Variants in PYHIN1 observed in about 807,000 individuals in gnomAD.
PYHIN1 encodes pyrin and HIN domain family member 1, also known as pyrin and HIN domain-containing protein 1.
In PYHIN1, 32 loss-of-function variants were observed where a neutral mutation model predicts 43.7. The observed-to-expected ratio is 0.73, with a 90% CI of 0.55 to 0.98. The LOEUF (loss-of-function observed/expected upper bound fraction) is 0.98. Among genes scored for constraint, PYHIN1 ranks in the 50% least tolerant of loss-of-function variants. The pLI is 0.00. For synonymous variants in PYHIN1, 205 were observed against 203.1 expected (o/e 1.01, Z -0.08); for missense variants, 588 against 589.5 (o/e 1.00, Z 0.03).
downstream of PYHIN1, among the ~76,000 whole-genome samples, chr1:158,979,361 G>A (rs1651406376): frequency 6.6e-6 from 1 of 151,992 alleles, no homozygotes; most frequent in African/African-American, 2.4e-5. Context: ...TGTAAGTTTG[G>A]CTATTATAGA....
chr1:158,982,124 C>T, the PYHIN1 span, among the ~76,000 whole-genome samples: 3 of 152,142 alleles, frequency 2.0e-5, no homozygotes, highest in Non-Finnish European at 4.4e-5. Flanking sequence ...ATTTGCTGTA[C>T]AGAAGATCTT....
At chr1:158,939,720 C>T (rs781095955) in intron 4 of PYHIN1, 2 of 583,440 alleles carry the variant, frequency 3.4e-6, no homozygotes, top group Non-Finnish European at 6.2e-6. Context: ...ACTTAGACCC[C>T]TGTAACAGGT....
downstream of PYHIN1, among the ~76,000 whole-genome samples, chr1:158,980,733 C>T (rs552605119): frequency 4.3e-4 from 66 of 152,186 alleles, no homozygotes; most frequent in Non-Finnish European, 8.2e-4. Context: ...ATACATGCAC[C>T]GCTGAACATA....
At chr1:158,985,076 C>T in the PYHIN1 span, among the ~76,000 whole-genome samples, 1 of 152,080 alleles carries the variant, frequency 6.6e-6, no homozygotes, top group Non-Finnish European at 1.5e-5. Context: ...CTCTTGAAGA[C>T]AGCATGTAAT....
At position 158,976,839 on chromosome 1, in the gene PYHIN1, A is replaced by AATATATCTAT; in HGVS notation, c.*150_*151insCTATATATAT. The AATATATCTAT allele has an allele frequency of 6.2e-6, 2 of 321,644 alleles. No individual in the cohort carries two copies. The highest frequency in any genetic ancestry group is 1.2e-5 in the Non-Finnish European group (2 of 172,368). 19.9% of individuals were successfully genotyped at this position (321,644 alleles called of 1,614,324 possible). ...AAGATAAGATCAAAGCACAGAAAAT[A>AATATATCTAT]ATATATGTATATATATCTGGTTGAA... is the stretch of plus-strand genomic sequence containing the variant. On this transcript the variant is annotated 3_prime_UTR_variant, in exon 9 of 9. Transcript: ENST00000368140.
intron 7 of PYHIN1, among the ~76,000 whole-genome samples, chr1:158,956,606 AAAT>A (rs1283424913): frequency 2.6e-5 from 4 of 151,822 alleles, no homozygotes; most frequent in Admixed American, 6.5e-5. Flanking sequence ...ACGTATTTCA[AAAT>A]AATAAGAGCT....
At chr1:158,984,783 A>G in the PYHIN1 span, among the ~76,000 whole-genome samples, 1 of 152,184 alleles carries the variant, frequency 6.6e-6, no homozygotes, top group Non-Finnish European at 1.5e-5. Context: ...GAGGTTAGCT[A>G]GTTCTCTTCA....
chr1:158,955,242 C>A (rs1384302517), intron 7 of PYHIN1, among the ~76,000 whole-genome samples: 1 of 152,124 alleles, frequency 6.6e-6, no homozygotes, highest in Non-Finnish European at 1.5e-5. Context: ...CAGCTCTGCA[C>A]CAACCGGACC....
At chr1:158,983,618 G>C in the PYHIN1 span, among the ~76,000 whole-genome samples, 1 of 151,960 alleles carries the variant, frequency 6.6e-6, no homozygotes, top group South Asian at 2.1e-4. Context: ...TTGTGTTTCT[G>C]TCAGGTTTTG....
chr1:158,953,747 T>C (rs1440428770), intron 7 of PYHIN1, among the ~76,000 whole-genome samples: 1 of 152,194 alleles, frequency 6.6e-6, no homozygotes, highest in Non-Finnish European at 1.5e-5. Context: ...CAAAGCTGGA[T>C]GGAGAATGAC....
At position 158,973,786 on chromosome 1, in the gene PYHIN1, T is replaced by C. The variant is rs1237625627; in HGVS notation, c.*5+15T>C. 6.2e-7 allele frequency: 1 copy of C among 1,612,444 alleles called. No individual in the cohort carries two copies. The highest frequency in any genetic ancestry group is 1.7e-5 in the Admixed American group (1 of 59,826). The stretch of plus-strand genomic sequence containing the variant: ...CCTTAAATAAGGTACCACCTTTCTA[T>C]TTGCATTGCTGTACCTCTAAAATAT... On this transcript the variant is annotated intron_variant, in intron 8 of 8. Transcript: ENST00000368140.
chr1:158,959,781 T>C (rs75123910), intron 7 of PYHIN1, among the ~76,000 whole-genome samples: 1 of 152,158 alleles, frequency 6.6e-6, no homozygotes, highest in Non-Finnish European at 1.5e-5. Context: ...TTTCCCCCTT[T>C]CTATACCATA....
At chr1:158,940,266 A>T (rs1047364584) in intron 4 of PYHIN1, 1 of 151,608 alleles carries the variant, frequency 6.6e-6, no homozygotes, top group East Asian at 1.9e-4. Context: ...AGGAAACCAT[A>T]TTCTAAGATA....
downstream of PYHIN1, among the ~76,000 whole-genome samples, chr1:158,979,973 G>A (rs856136): frequency 0.88 from 133,303 of 152,096 alleles, 59,918 homozygotes; most frequent in Middle Eastern, 0.98. Flanking sequence ...TTATTAGTAA[G>A]AACAAGTGGT....
At chr1:158,966,628 C>T (rs573405564) in intron 7 of PYHIN1, among the ~76,000 whole-genome samples, 38 of 152,124 alleles carry the variant, frequency 2.5e-4, no homozygotes, top group African/African-American at 8.7e-4. Context: ...TCATCTCAAT[C>T]GATGCAGAAA....
intron 7 of PYHIN1, among the ~76,000 whole-genome samples, chr1:158,953,337 A>T (rs1649695015): frequency 6.7e-6 from 1 of 150,300 alleles, no homozygotes; most frequent in Non-Finnish European, 1.5e-5. Context: ...AACTCTGCAG[A>T]CTTAAATGTC....
chr1:158,984,707 A>G, the PYHIN1 span, among the ~76,000 whole-genome samples: 1 of 152,158 alleles, frequency 6.6e-6, no homozygotes, highest in South Asian at 2.1e-4. Flanking sequence ...TATCTTTGTT[A>G]GTTTTCTCCC....
chr1:158,984,549 T>C, the PYHIN1 span, among the ~76,000 whole-genome samples: 1 of 152,170 alleles, frequency 6.6e-6, no homozygotes, highest in Non-Finnish European at 1.5e-5. Context: ...TTCCTGAGCA[T>C]TGCTTTATGG....
chr1:158,933,384 T>C lies in PYHIN1; in HGVS notation c.-21+1608T>C, dbSNP rs6694322. Reference sequence around the variant, plus strand: ...TAAATCTATAATTTAAATTATTGTATCTTCCCAGGAATTCAACCTTTTACC... The same window carrying C: ...TAAATCTATAATTTAAATTATTGTACCTTCCCAGGAATTCAACCTTTTACC... On this transcript the variant is annotated intron_variant, in intron 1 of 8. Transcript: ENST00000368140. The surrounding 1 kb of genome is among the most constrained non-coding windows in gnomAD (Gnocchi z 6.3). 0.075 allele frequency among the ~76,000 whole-genome samples: 11,352 copies of C among 151,752 alleles called. 1,466 individuals are homozygous for C. The highest frequency in any genetic ancestry group is 0.26 in the African/African-American group (10,777 of 41,412).
Sources: allele counts gnomAD v4.1 joint callset (sites outside exome capture counted in the v4.1 genomes callset), GRCh38; gene constraint gnomAD v4.1.1; non-coding constraint Gnocchi (gnomAD v3.1); transcripts MANE v1.5; gene names NCBI Gene and HGNC (gene_info 2026-07-23, HGNC 2026-07-21).